SERPINI2: variants seen among roughly 807,000 people sequenced by gnomAD.
SERPINI2 encodes serpin I2.
A neutral mutation model predicts 47.3 loss-of-function variants in SERPINI2; 48 were observed. The observed-to-expected ratio is 1.02, with a 90% CI of 0.81 to 1.29. The LOEUF (loss-of-function observed/expected upper bound fraction) is 1.29. Ranked by LOEUF, SERPINI2 falls within the 50% of genes most tolerant of loss-of-function variation. SERPINI2 has a pLI of 0.00. For synonymous variants in SERPINI2, 135 were observed against 149.3 expected (o/e 0.90, Z 0.70); for missense variants, 448 against 456.9 (o/e 0.98, Z 0.18).
At chr3:167,472,299 C>T (rs187327654) in intron 1 of SERPINI2, among the ~76,000 whole-genome samples, 1 of 151,860 alleles carries the variant, frequency 6.6e-6, no homozygotes, top group Non-Finnish European at 1.5e-5. Context: ...GGTTTTAGAC[C>T]TATAATATTA....
chr3:167,449,032 A>G (rs1222681529), intron 7 of SERPINI2, among the ~76,000 whole-genome samples: 3 of 152,352 alleles, frequency 2.0e-5, no homozygotes, highest in South Asian at 2.1e-4. Context: ...AGTTTTATCC[A>G]CAAGTCCTAT....
chr3:167,453,575 T>A (rs1472883317), intron 5 of SERPINI2, among the ~76,000 whole-genome samples: 1 of 151,708 alleles, frequency 6.6e-6, no homozygotes, highest in Admixed American at 6.6e-5. Flanking sequence ...GCCTAATATC[T>A]TTTAAATAGG....
chr3:167,469,718 G>T (rs909203714), intron 2 of SERPINI2: 7 of 152,114 alleles, frequency 4.6e-5, no homozygotes, highest in African/African-American at 1.4e-4. Flanking sequence ...TGACAATGAA[G>T]TAAAGAAGGA....
At chr3:167,473,022 C>T (rs1577180645) in intron 1 of SERPINI2, among the ~76,000 whole-genome samples, 1 of 151,710 alleles carries the variant, frequency 6.6e-6, no homozygotes, top group Middle Eastern at 3.4e-3. Context: ...GAGTGTTTTG[C>T]AGATCATTAA....
At chr3:167,449,197 A>G in intron 7 of SERPINI2, 119 bp downstream of exon 7, 1 of 705,038 alleles carries the variant, frequency 1.4e-6, no homozygotes, top group Non-Finnish European at 2.5e-6. Context: ...TTTCCTCCTG[A>G]AGTGTATTAG....
chr3:167,468,407 T>A (rs1750208390), intron 2 of SERPINI2, among the ~76,000 whole-genome samples: 1 of 152,022 alleles, frequency 6.6e-6, no homozygotes, highest in African/African-American at 2.4e-5. Flanking sequence ...ATAAAAATAG[T>A]TCCCTCTCTG....
At chr3:167,471,275 A>T (rs551456370) in intron 2 of SERPINI2, among the ~76,000 whole-genome samples, 1 of 152,060 alleles carries the variant, frequency 6.6e-6, no homozygotes, top group Admixed American at 6.6e-5. Flanking sequence ...ATGTACATAC[A>T]CACACACACA....
chr3:167,467,221 T>TTTC, exon 3 of SERPINI2: 1 of 1,613,256 alleles, frequency 6.2e-7, no homozygotes, highest in Non-Finnish European at 8.5e-7. Flanking sequence ...CAAGATTAAA[T>TTTC]GTAAATTCTT....
Position 167,452,975 on chromosome 3 carries a change from C to A in SERPINI2, c.925G>T (p.Glu309Ter). 2 of 1,606,856 alleles carry A rather than the reference C, an allele frequency of 1.2e-6. No homozygotes were observed. The highest frequency in any genetic ancestry group is 1.7e-6 in the Non-Finnish European group (2 of 1,176,104). The change falls in exon 6 of 9, where the codon GAG (glutamate) becomes TAG (stop). Residue 309 changes from glutamate to a stop codon, truncating the protein, a stop_gained. Coordinates refer to ENST00000264677, the Ensembl canonical transcript of SERPINI2. LOFTEE classifies it high-confidence loss of function. ...AGGTCGCAGCCACCACTAAATATCT[C>A]GGTTATGTTCAAAGAATACAAAACG...
At chr3:167,465,321 T>C in exon 5 of SERPINI2, 1 of 1,613,134 alleles carries the variant, frequency 6.2e-7, no homozygotes, top group Middle Eastern at 1.7e-4. Context: ...GCAGGAAGTA[T>C]GATAATTAAG....
intron 3 of SERPINI2, among the ~76,000 whole-genome samples, chr3:167,466,743 TA>T (rs1750144575): frequency 6.6e-6 from 1 of 152,126 alleles, no homozygotes. Context: ...CCAAAGAGAT[TA>T]TTTCTGCTTT....
chr3:167,475,246 CAAG>C (rs1441703123), upstream of SERPINI2, among the ~76,000 whole-genome samples: 1 of 151,744 alleles, frequency 6.6e-6, no homozygotes, highest in East Asian at 1.9e-4. Context: ...TTGTGCAATA[CAAG>C]AATACTATCA....
intron 5 of SERPINI2, among the ~76,000 whole-genome samples, chr3:167,462,003 T>C (rs1348978381): frequency 3.3e-5 from 5 of 152,202 alleles, no homozygotes; most frequent in Non-Finnish European, 7.4e-5. Context: ...CTGGGAAATG[T>C]TGGAGGACTC....
rs1749481960 is a variant in SERPINI2 at position 167,446,445 on chromosome 3, C to CT, written c.1087dup (p.Ser363LysfsTer16). 2 of 1,610,340 alleles carry CT rather than the reference C, an allele frequency of 1.2e-6. No homozygotes were observed. The highest frequency in any genetic ancestry group is 2.2e-5 in the South Asian group (2 of 90,724). ...AAATGGATGATTTGCTATAAATTGG[C>CT]TTTGAGCCAGACTCATGATCACAGG... On this transcript the variant is annotated frameshift_variant, in exon 8 of 9. Coordinates refer to ENST00000264677, the Ensembl canonical transcript of SERPINI2. LOFTEE classifies it high-confidence loss of function.
chr3:167,469,646 G>A (rs1321325551), intron 2 of SERPINI2: 1 of 152,138 alleles, frequency 6.6e-6, no homozygotes, highest in Non-Finnish European at 1.5e-5. Context: ...CAGAGGTAAA[G>A]CAAAAGGGAG....
intron 1 of SERPINI2, 189 bp from the exon 2 acceptor site, chr3:167,472,033 TA>T (rs1230517753): frequency 4.0e-6 from 2 of 501,930 alleles, no homozygotes; most frequent in Non-Finnish European, 7.1e-6. Context: ...TGGTATTTCT[TA>T]CATATCTTCA....
intron 5 of SERPINI2, among the ~76,000 whole-genome samples, chr3:167,455,895 G>A (rs1230547780): frequency 6.6e-6 from 1 of 152,074 alleles, no homozygotes; most frequent in Non-Finnish European, 1.5e-5. Flanking sequence ...CACTGAAGGG[G>A]GAAATTTGCC....
intron 2 of SERPINI2, among the ~76,000 whole-genome samples, chr3:167,467,683 G>A (rs1167513642): frequency 6.6e-6 from 1 of 152,086 alleles, no homozygotes; most frequent in Non-Finnish European, 1.5e-5. Flanking sequence ...ATGCTGATGG[G>A]GGCATGACAG....
intron 8 of SERPINI2, among the ~76,000 whole-genome samples, chr3:167,445,487 AAAGGAC>A (rs1749448817): frequency 6.6e-6 from 1 of 152,214 alleles, no homozygotes; most frequent in African/African-American, 2.4e-5. Context: ...TGTGGCTTAG[AAAGGAC>A]AAGCAACTTG....
Sources: gnomAD v4.1 joint callset for allele counts (sites outside exome capture counted in the v4.1 genomes callset) on GRCh38, gnomAD v4.1.1 for gene constraint, MANE v1.5 for transcripts, NCBI Gene and HGNC (gene_info 2026-07-23, HGNC 2026-07-21) for gene names.